The following SHISA5 variants were observed in gnomAD, a reference collection of about 807,000 sequenced individuals.
The protein encoded by SHISA5 is shisa family member 5.
A neutral mutation model predicts 27.5 loss-of-function variants in SHISA5; 21 were observed. The observed-to-expected ratio is 0.76, with a 90% confidence interval of 0.54 to 1.10. The LOEUF is 1.10. SHISA5 is among the 50% of genes least tolerant of loss of function. The pLI is 0.00. For synonymous variants in SHISA5, 137 were observed against 142.2 expected, an observed-to-expected ratio of 0.96 and a Z score of 0.26; for missense variants, 314 against 336.3, an observed-to-expected ratio of 0.93 and a Z score of 0.52.
In SHISA5 at chr3:48,473,938, C is replaced by A. The variant is rs888929502; in HGVS notation, c.315-4095G>T. Among the ~76,000 whole-genome samples the A allele has an allele frequency of 6.7e-6, 1 of 149,510 alleles. No individual in the cohort carries two copies. Among genetic ancestry groups the A allele is most frequent in the Non-Finnish European group, 1.5e-5 (1 of 67,702 alleles). On this transcript the variant is annotated intron_variant, in intron 3 of 5. Transcript: ENST00000296444. The surrounding 1 kb of genome is among the most constrained non-coding windows in gnomAD (Gnocchi z 4.3). ...AAAATTAGCCAGGCTTGGTGGCACG[C>A]ACCTGTAATCCCAGCTACTCAGGAG...
At chr3:48,497,325 A>G (rs1317875353) in intron 2 of SHISA5, among the ~76,000 whole-genome samples, 8 of 131,480 alleles carry the variant, frequency 6.1e-5, no homozygotes, top group African/African-American at 2.4e-4. Flanking sequence ...GTGCAGTGGC[A>G]TGATCTTGGC....
rs2041829324 is a variant in SHISA5, at chr3:48,503,999, C to A, written c.76+20G>T. 2 of 1,458,772 alleles carry A rather than the reference C, an allele frequency of 1.4e-6. No homozygotes were observed. Among genetic ancestry groups the A allele is most frequent in the Admixed American group, 2.4e-5 (1 of 40,840 alleles). The allele number at this position is 1,458,772 out of a possible 1,614,324, so 90.4% of individuals were successfully genotyped here. ...TGCCCGGTCCCAGGGCAGGACGGGC[C>A]GCCCCCACCCCCGGCTCACCACCCG... On this transcript the variant is annotated intron_variant, in intron 1 of 5. Transcript: ENST00000296444.
At chr3:48,504,218 A>C, upstream of SHISA5, 1 of 401,678 alleles carries the variant, frequency 2.5e-6, no homozygotes, top group Non-Finnish European at 4.3e-6. The surrounding 1 kb of genome is among the most constrained non-coding windows in gnomAD (Gnocchi z 4.0). Context: ...GGTTCCCGGA[A>C]CCTCTGTCCG....
chr3:48,469,326 A>T lies in SHISA5; in HGVS notation c.643+35T>A. On this transcript the variant is annotated intron_variant, in intron 5 of 5. Coordinates refer to ENST00000296444, the MANE Select transcript of SHISA5 (RefSeq NM_016479.6). This position sits in a 1 kb window ranked among gnomAD's most constrained non-coding sequence, Gnocchi z 4.6. The stretch of plus-strand genomic sequence containing the variant: ...GAGGGATGCTGGCAGAGACTCGGGA[A>T]GTCGGGCAGGGCTAGAGTTGGCAGG... The T allele has an allele frequency of 6.4e-7, 1 of 1,567,812 alleles. No individual in the cohort carries two copies. Among genetic ancestry groups the T allele is most frequent in the Non-Finnish European group, 8.7e-7 (1 of 1,154,720 alleles).
chr3:48,489,568 C>T (rs2041357575), intron 2 of SHISA5, among the ~76,000 whole-genome samples: 2 of 151,016 alleles, frequency 1.3e-5, no homozygotes, highest in Admixed American at 1.3e-4. Flanking sequence ...GTGATCCGCC[C>T]GCCTCGGCCT....
chr3:48,498,021 C>T (rs1192921580), intron 2 of SHISA5, among the ~76,000 whole-genome samples: 1 of 151,982 alleles, frequency 6.6e-6, no homozygotes, highest in African/African-American at 2.4e-5. Flanking sequence ...GAAAAAATAA[C>T]CATCAACCTA....
In SHISA5 at chr3:48,469,320, T is replaced by A; in HGVS notation, c.643+41A>T. ...GTGCCCGAGGGATGCTGGCAGAGAC[T>A]CGGGAAGTCGGGCAGGGCTAGAGTT... On this transcript the variant is annotated intron_variant, in intron 5 of 5. Transcript: ENST00000296444. The surrounding 1 kb of genome is among the most constrained non-coding windows in gnomAD (Gnocchi z 4.6). 1 of 1,566,128 alleles carries A rather than the reference T, an allele frequency of 6.4e-7. No homozygotes were observed. Among genetic ancestry groups the A allele is most frequent in the Non-Finnish European group, 8.7e-7 (1 of 1,153,856 alleles).
At chr3:48,502,603 C>G (rs1165168342) in intron 1 of SHISA5, 5 of 341,408 alleles carry the variant, frequency 1.5e-5, no homozygotes, top group East Asian at 7.8e-5. Flanking sequence ...TTACAAACCT[C>G]CAGGAAGATG....
At chr3:48,503,930 C>A in intron 1 of SHISA5, 89 bp downstream of exon 1, 1 of 1,383,192 alleles carries the variant, frequency 7.2e-7, no homozygotes, top group African/African-American at 1.5e-5. Flanking sequence ...CATAGTGGGG[C>A]TGGTGCTGCC....
At chr3:48,491,064 A>T (rs970727420) in intron 2 of SHISA5, among the ~76,000 whole-genome samples, 1 of 73,284 alleles carries the variant, frequency 1.4e-5, no homozygotes, top group African/African-American at 5.1e-5. Context: ...GAAGCTCCCC[A>T]CCCTCCCAAC....
Position 48,469,133 on chromosome 3 carries a change from T to C in SHISA5, c.697A>G (p.Met233Val), listed in dbSNP as rs1261800821. The change falls in exon 6 of 6, where the codon ATG (methionine) becomes GTG (valine). Residue 233 changes from methionine to valine, a missense_variant. Transcript: ENST00000296444. This position sits in a 1 kb window ranked among gnomAD's most constrained non-coding sequence, Gnocchi z 4.6. ...ASQPPYNPAY[M>V]DAPKAAL Reference sequence around the variant, plus strand: ...CAGAGGGCCGCCTTCGGGGCATCCATGTAGGCCGGGTTGTAAGGAGGCTGG... The same window carrying C: ...CAGAGGGCCGCCTTCGGGGCATCCACGTAGGCCGGGTTGTAAGGAGGCTGG... 9.3e-6 allele frequency: 15 copies of C among 1,612,902 alleles called. No individual in the cohort carries two copies. Among genetic ancestry groups the C allele is most frequent in the Non-Finnish European group, 1.2e-5 (14 of 1,179,984 alleles).
intron 2 of SHISA5, among the ~76,000 whole-genome samples, chr3:48,485,624 T>C (rs2041191836): frequency 6.9e-6 from 1 of 144,538 alleles, no homozygotes; most frequent in African/African-American, 2.5e-5. Flanking sequence ...ATATAATATA[T>C]AGATATTATA....
In SHISA5 at chr3:48,493,201, G is replaced by T. The variant is rs956192899; in HGVS notation, c.233+7936C>A. 5.8e-3 allele frequency among the ~76,000 whole-genome samples: 858 copies of T among 147,338 alleles called. 139 individuals carry two copies. The highest frequency in any genetic ancestry group is 0.021 in the African/African-American group (796 of 37,174). The stretch of plus-strand genomic sequence containing the variant: ...CCTAGCACTTTGGGAGGCCAAGGTG[G>T]GCTGATCACTTGAGCCCAGGAGGTC... On this transcript the variant is annotated intron_variant, in intron 2 of 5. Transcript: ENST00000296444.
At chr3:48,498,856 A>C (rs1485489001) in intron 2 of SHISA5, among the ~76,000 whole-genome samples, 2 of 151,278 alleles carry the variant, frequency 1.3e-5, no homozygotes, top group African/African-American at 4.9e-5. Flanking sequence ...CCGAGGCAGG[A>C]GGATCACCTG....
intron 2 of SHISA5, among the ~76,000 whole-genome samples, chr3:48,485,542 TATATATATA>T (rs1373424384): frequency 2.2e-5 from 3 of 138,420 alleles, no homozygotes; most frequent in Non-Finnish European, 4.8e-5. Flanking sequence ...ATATATATAT[TATATATATA>T]ATATATTATA....
At chr3:48,479,096 C>T (rs752661680) in intron 3 of SHISA5, 81 bp downstream of exon 3, 28 of 1,280,998 alleles carry the variant, frequency 2.2e-5, no homozygotes, top group Non-Finnish European at 2.8e-5. Flanking sequence ...TCATCCCAGT[C>T]CCCCAGATGC....
chr3:48,503,803 C>T, intron 1 of SHISA5: 1 of 1,254,218 alleles, frequency 8.0e-7, no homozygotes, highest in East Asian at 3.2e-5. Context: ...ACAAAGGTGG[C>T]AGCTGCCTGG....
chr3:48,470,456 T>C lies in SHISA5; in HGVS notation c.315-613A>G, dbSNP rs866923658. Among the ~76,000 whole-genome samples the C allele has an allele frequency of 3.3e-5, 5 of 152,152 alleles. No individual in the cohort carries two copies. The South Asian group carries it at 1.0e-3, about 32-fold the overall frequency. On this transcript the variant is annotated intron_variant, in intron 3 of 5. Transcript: ENST00000296444. This position sits in a 1 kb window ranked among gnomAD's most constrained non-coding sequence, Gnocchi z 4.3. ...GTTGCCTCTGCCTGCAAGCTTGCTG[T>C]ATGCCAAGCACCGTGCCAGGGGTCA...
chr3:48,467,926 AAC>A lies in SHISA5; in HGVS notation c.*1179_*1180del, dbSNP rs772437731. On this transcript the variant is annotated 3_prime_UTR_variant, in exon 6 of 6. Transcript: ENST00000296444. Reference sequence around the variant, plus strand: ...CAAGTGTACAGACCCTAGACTCAGAAACACAACAGATTTGAGCTAAGACAGCT... The same window carrying A: ...CAAGTGTACAGACCCTAGACTCAGAAACAACAGATTTGAGCTAAGACAGCT... 31 of 342,796 alleles carry A rather than the reference AAC, an allele frequency of 9.0e-5. No individual in the cohort carries two copies. The highest frequency in any genetic ancestry group is 4.1e-5 in the African/African-American group (2 of 48,412). 21.2% of individuals were successfully genotyped at this position (342,796 alleles called of 1,614,324 possible). A position where few individuals can be genotyped will look rare whatever the true frequency, so the allele number is the denominator to read the frequency against.
Sources: gnomAD v4.1 joint callset for allele counts (sites outside exome capture counted in the v4.1 genomes callset) on GRCh38, gnomAD v4.1.1 for gene constraint, Gnocchi (gnomAD v3.1) non-coding constraint, MANE v1.5 for transcripts, NCBI Gene and HGNC (gene_info 2026-07-23, HGNC 2026-07-21) for gene names.